PRELID3A: variants seen among roughly 807,000 people sequenced by gnomAD.
PRELID3A encodes the protein PRELI domain containing 3A.
A neutral mutation model predicts 23.0 loss-of-function variants in PRELID3A; 27 were observed. The ratio of observed to expected loss-of-function variants is 1.17; its 90% confidence interval spans 0.87 to 1.62. The LOEUF is 1.62. PRELID3A is among the 40% of genes most tolerant of loss of function. The probability of loss-of-function intolerance (pLI) is 0.00; values close to 1 mark genes in which losing one functional copy is unlikely to be tolerated. For missense variants in PRELID3A, 231 were observed against 231.4 expected, an observed-to-expected ratio of 1.00 and a Z score of 0.01; for synonymous variants, 87 against 86.4, an observed-to-expected ratio of 1.01 and a Z score of -0.04.
At chr18:12,421,339 T>C (rs1405300276) in intron 2 of PRELID3A, 2 of 581,940 alleles carry the variant, frequency 3.4e-6, no homozygotes, top group African/African-American at 1.9e-5. Flanking sequence ...CTCCACTCTG[T>C]TGGAATTCAT....
chr18:12,420,519 C>T (rs1310950557), intron 2 of PRELID3A, 26 bp downstream of exon 2: 1 of 1,486,888 alleles, frequency 6.7e-7, no homozygotes, highest in Admixed American at 2.3e-5. Context: ...GCTGCGGCTC[C>T]GAACGCGCCC....
intron 1 of PRELID3A, among the ~76,000 whole-genome samples, chr18:12,408,220 G>A (rs913936594): frequency 4.6e-5 from 7 of 151,924 alleles, no homozygotes; most frequent in Non-Finnish European, 7.4e-5. Flanking sequence ...TCTGCGCCGG[G>A]TACGGCCTCT....
intron 6 of PRELID3A, among the ~76,000 whole-genome samples, chr18:12,429,883 G>A (rs1020154425): frequency 6.6e-6 from 1 of 152,244 alleles, no homozygotes; most frequent in African/African-American, 2.4e-5. Flanking sequence ...GGCTGCAGCC[G>A]GCCATTTCCT....
intron 1 of PRELID3A, among the ~76,000 whole-genome samples, chr18:12,415,793 G>GTTAT (rs1158314636): frequency 6.6e-6 from 1 of 152,168 alleles, no homozygotes; most frequent in African/African-American, 2.4e-5. Flanking sequence ...TGCTTAGAGA[G>GTTAT]TCCTTTGTTA....
At chr18:12,430,426 G>A (rs896943054) in intron 6 of PRELID3A, among the ~76,000 whole-genome samples, 6 of 119,070 alleles carry the variant, frequency 5.0e-5, no homozygotes, top group Non-Finnish European at 1.0e-4. Flanking sequence ...TGTGTTGCAT[G>A]TTTGTGTGCT....
At chr18:12,426,537 C>G (rs1181753068) in intron 3 of PRELID3A, among the ~76,000 whole-genome samples, 1 of 26,172 alleles carries the variant, frequency 3.8e-5, no homozygotes, top group African/African-American at 1.4e-4. Context: ...CTGGGCTACA[C>G]AGTGAGACTC....
intron 1 of PRELID3A, among the ~76,000 whole-genome samples, chr18:12,409,272 T>C (rs1330903676): frequency 6.7e-6 from 1 of 149,056 alleles, no homozygotes; most frequent in Non-Finnish European, 1.5e-5. Flanking sequence ...GTTCAAGTGA[T>C]TCTCGTGCCT....
At chr18:12,425,264 T>TA (rs1467684233) in intron 3 of PRELID3A, among the ~76,000 whole-genome samples, 1 of 152,136 alleles carries the variant, frequency 6.6e-6, no homozygotes, top group Non-Finnish European at 1.5e-5. Context: ...CATAGGACAT[T>TA]ACTGTTAGCA....
At chr18:12,410,850 C>G (rs991580522) in intron 1 of PRELID3A, 51 of 152,146 alleles carry the variant, frequency 3.4e-4, no homozygotes, top group African/African-American at 1.2e-3. Context: ...GCGTGTGCCA[C>G]CACGCCTGGT....
chr18:12,427,384 A>C, intron 5 of PRELID3A, 61 bp downstream of exon 5: 1 of 1,254,022 alleles, frequency 8.0e-7, no homozygotes, highest in Non-Finnish European at 1.2e-6. Context: ...CAGATTAAGA[A>C]TATGACATTT....
intron 2 of PRELID3A, 41 bp downstream of exon 2, chr18:12,420,534 C>A: frequency 6.8e-7 from 1 of 1,463,626 alleles, no homozygotes; most frequent in Non-Finnish European, 9.0e-7. Flanking sequence ...GCGCCCGACT[C>A]CCCCACTCCC....
chr18:12,417,421 G>A lies in PRELID3A; in HGVS notation c.33-2904G>A, dbSNP rs142108517. Among the ~76,000 whole-genome samples, 731 of 152,226 alleles carry A rather than the reference G, an allele frequency of 4.8e-3. 5 individuals are homozygous for A. Among genetic ancestry groups the A allele is most frequent in the Middle Eastern group, 0.01 (3 of 294 alleles). The stretch of plus-strand genomic sequence containing the variant: ...ACTCCTGACCTCAAGTGATCTGCCC[G>A]CCTCAGCCTCCCACAGTGCTGGGAT... On this transcript the variant is annotated intron_variant, in intron 1 of 6. Coordinates refer to ENST00000440960, the MANE Select transcript of PRELID3A (RefSeq NM_001142405.2).
At chr18:12,416,689 AG>A (rs1568161552) in intron 1 of PRELID3A, among the ~76,000 whole-genome samples, 1 of 142,540 alleles carries the variant, frequency 7.0e-6, no homozygotes, top group African/African-American at 2.6e-5. Context: ...TCTGTTGCCC[AG>A]GGTGGAGTGC....
chr18:12,427,207 T>C lies in PRELID3A; in HGVS notation c.363-14T>C. On this transcript the variant is annotated splice_polypyrimidine_tract_variant and intron_variant, in intron 4 of 6. Coordinates refer to ENST00000440960, the MANE Select transcript of PRELID3A (RefSeq NM_001142405.2). ...CAGGGCTGGTCAGCCCCTTTTCTTC[T>C]TGCTCTTTTGCAGGACCGTGCTCAC... The C allele has an allele frequency of 6.2e-7, 1 of 1,613,312 alleles. No homozygotes were observed. The highest frequency in any genetic ancestry group is 8.5e-7 in the Non-Finnish European group (1 of 1,179,330).
chr18:12,408,570 C>A (rs1909803886), intron 1 of PRELID3A, among the ~76,000 whole-genome samples: 1 of 152,056 alleles, frequency 6.6e-6, no homozygotes, highest in African/African-American at 2.4e-5. Flanking sequence ...TCCAAGCTAG[C>A]GTGGAAAACC....
At chr18:12,408,814 C>T (rs1229842401) in intron 1 of PRELID3A, among the ~76,000 whole-genome samples, 1 of 152,122 alleles carries the variant, frequency 6.6e-6, no homozygotes, top group East Asian at 1.9e-4. Flanking sequence ...AGACACCTTC[C>T]CGGGTAATGC....
At position 12,420,441 on chromosome 18, in the gene PRELID3A, A is replaced by C. The variant is rs1420546743; in HGVS notation, c.149A>C (p.His50Pro). 12 of 1,579,716 alleles carry C rather than the reference A, an allele frequency of 7.6e-6. No homozygotes were observed. In the Admixed American group the frequency reaches 2.2e-4, roughly 29 times the overall value. The change falls in exon 2 of 7, where the codon CAC becomes CCC. Residue 50 changes from histidine to proline, a missense_variant. His to Pro is a moderately conservative substitution (Grantham distance 77, BLOSUM62 -2). Coordinates refer to ENST00000440960, the MANE Select transcript of PRELID3A (RefSeq NM_001142405.2). ...CGCGTGGACGGCCGCGGCCGCCTGC[A>C]CAGCTTGCGCCTGCTCAGCACCGAG... ...QRRVDGRGRL[H>P]SLRLLSTEWG...
In PRELID3A at chr18:12,407,944, G is replaced by T. The variant is rs976537539; in HGVS notation, c.-32G>T. The T allele has an allele frequency of 1.5e-5, 19 of 1,291,824 alleles. No individual in the cohort carries two copies. The highest frequency in any genetic ancestry group is 1.6e-5 in the Non-Finnish European group (16 of 1,022,848). The allele number at this position is 1,291,824 out of a possible 1,614,324, so 80.0% of individuals were successfully genotyped here. Reference sequence around the variant, plus strand: ...CGCGCGGCCCGAAGCACCCGGCCCGGATCGCAGAGCCCGCGCCCTGCGCCG... The same window carrying T: ...CGCGCGGCCCGAAGCACCCGGCCCGTATCGCAGAGCCCGCGCCCTGCGCCG... On this transcript the variant is annotated 5_prime_UTR_variant, in exon 1 of 7. Transcript: ENST00000440960.
chr18:12,418,226 G>A (rs1271222587), intron 1 of PRELID3A, among the ~76,000 whole-genome samples: 1 of 152,180 alleles, frequency 6.6e-6, no homozygotes, highest in East Asian at 1.9e-4. Context: ...AAAGACTAAT[G>A]TACACAAATG....
Sources: gnomAD v4.1 joint callset for allele counts (sites outside exome capture counted in the v4.1 genomes callset) on GRCh38, gnomAD v4.1.1 for gene constraint, MANE v1.5 for transcripts, NCBI Gene and HGNC (gene_info 2026-07-23, HGNC 2026-07-21) for gene names.